Variants in MICALL2 observed in about 807,000 individuals in gnomAD.
MICALL2 encodes MICAL-like protein 2.
Under a neutral mutation model 91.1 loss-of-function variants are expected in MICALL2, and 111 were observed. The ratio of observed to expected loss-of-function variants is 1.22; its 90% CI spans 1.04 to 1.43. The LOEUF (loss-of-function observed/expected upper bound fraction) is 1.43. MICALL2 is among the 40% of genes most tolerant of loss of function. The pLI is 0.00. For missense variants in MICALL2, 1,556 were observed against 1,236.0 expected (o/e 1.26, Z -3.88); for synonymous variants, 694 against 525.3 (o/e 1.32, Z -4.39).
At chr7:1,439,604 T>TCGCA (rs1554266690) in intron 9 of MICALL2, 46 of 291,388 alleles carry the variant, frequency 1.6e-4, no homozygotes, top group Non-Finnish European at 1.1e-4. Context: ...TACACATGCA[T>TCGCA]CACACATCAC....
rs200156703 is a variant in MICALL2, at chr7:1,435,116, T to G, written c.2623A>C (p.Met875Leu). ...GCCCAGTCACCCAGCTTCTCAATCATGTCCCGCAGCATCTGATCCTCCTCT... is the reference window on the plus strand; with the variant it reads ...GCCCAGTCACCCAGCTTCTCAATCAGGTCCCGCAGCATCTGATCCTCCTCT... ...EQEEDQMLRD[M>L]IEKLGLQRKK... The change falls in exon 16 of 17, where the codon ATG becomes CTG. Residue 875 changes from methionine (M) to leucine (L), a missense_variant. Physicochemically the swap from Met to Leu is conservative, Grantham distance 15. Transcript: ENST00000297508. The G allele has an allele frequency of 1.2e-6, 2 of 1,613,314 alleles. No homozygotes were observed. Among genetic ancestry groups the G allele is most frequent in the East Asian group, 2.2e-5 (1 of 44,848 alleles).
intron 1 of MICALL2, among the ~76,000 whole-genome samples, chr7:1,458,938 G>A (rs1212795278): frequency 6.6e-6 from 1 of 152,248 alleles, no homozygotes; most frequent in Non-Finnish European, 1.5e-5. Context: ...GGGCCCAGGA[G>A]CCGCCCTGAG....
chr7:1,457,178 G>A (rs930846666), intron 1 of MICALL2, among the ~76,000 whole-genome samples: 2 of 152,170 alleles, frequency 1.3e-5, no homozygotes, highest in African/African-American at 4.8e-5. Context: ...CACCTACTAA[G>A]CTCCTACCAT....
At chr7:1,444,544 G>A in intron 6 of MICALL2, 108 bp downstream of exon 6, 1 of 1,114,528 alleles carries the variant, frequency 9.0e-7, no homozygotes, top group Non-Finnish European at 1.3e-6. Context: ...AGTCCCCAAG[G>A]CCACACAGCC....
At chr7:1,436,067 A>C (rs1380024953) in intron 15 of MICALL2, among the ~76,000 whole-genome samples, 1 of 150,354 alleles carries the variant, frequency 6.7e-6, no homozygotes, top group Non-Finnish European at 1.5e-5. Flanking sequence ...AAAAAAATAC[A>C]AACAACAAAA....
intron 7 of MICALL2, 176 bp downstream of exon 7, chr7:1,442,014 CAG>C: frequency 2.7e-6 from 2 of 737,352 alleles, no homozygotes; most frequent in Non-Finnish European, 4.5e-6. Flanking sequence ...AGCCACCACA[CAG>C]AGAGCGCACC....
At chr7:1,449,702 G>C (rs1482232474) in intron 2 of MICALL2, among the ~76,000 whole-genome samples, 2 of 152,230 alleles carry the variant, frequency 1.3e-5, no homozygotes, top group Non-Finnish European at 2.9e-5. Flanking sequence ...CATGCCTGCA[G>C]GGCGCGTGGT....
rs928503601 is a variant in MICALL2, at chr7:1,451,495, C to T, written c.144-1207G>A. Among the ~76,000 whole-genome samples, 2 of 152,180 alleles carry T rather than the reference C, an allele frequency of 1.3e-5. No individual in the cohort carries two copies. The highest frequency in any genetic ancestry group is 2.4e-5 in the African/African-American group (1 of 41,440). On this transcript the variant is annotated intron_variant, in intron 1 of 16. Coordinates refer to ENST00000297508, the MANE Select transcript of MICALL2 (RefSeq NM_182924.4). The surrounding 1 kb of genome is among the most constrained non-coding windows in gnomAD (Gnocchi z 4.5). ...CAGCCTGGGTAACACACTGAGACCC[C>T]GTCTCAGAAAAACAAAAATATAGTG... is the stretch of plus-strand genomic sequence containing the variant.
At chr7:1,455,321 G>C (rs1188522701) in intron 1 of MICALL2, among the ~76,000 whole-genome samples, 3 of 152,236 alleles carry the variant, frequency 2.0e-5, no homozygotes, top group Non-Finnish European at 4.4e-5. Context: ...GGTGGTTTCT[G>C]AGCTCACCTG....
rs753803047 is a variant in MICALL2 at position 1,446,710 on chromosome 7, C to T, written c.641+3G>A. Reference sequence around the variant, plus strand: ...CAGGCGTGCGGGCAGAGGGCAGCCCCACCTGAAGCAGCTCCGGTGGTAAAG... The same window carrying T: ...CAGGCGTGCGGGCAGAGGGCAGCCCTACCTGAAGCAGCTCCGGTGGTAAAG... On this transcript the variant is annotated splice_donor_region_variant and intron_variant, in intron 5 of 16. Transcript: ENST00000297508. 1 of 1,587,536 alleles carries T rather than the reference C, an allele frequency of 6.3e-7. No homozygotes were observed. Among genetic ancestry groups the T allele is most frequent in the Non-Finnish European group, 8.6e-7 (1 of 1,167,932 alleles).
In MICALL2 at chr7:1,448,728, G is replaced by T; in HGVS notation, c.226C>A (p.Pro76Thr). The T allele has an allele frequency of 6.2e-7, 1 of 1,612,758 alleles. No individual in the cohort carries two copies. The highest frequency in any genetic ancestry group is 8.5e-7 in the Non-Finnish European group (1 of 1,179,942). Residue 76 changes from proline (P) to threonine (T), a missense_variant, in exon 3 of 17, where the codon CCA becomes ACA. Coordinates refer to ENST00000297508, the MANE Select transcript of MICALL2 (RefSeq NM_182924.4). ...FRVAEEHLGI[P>T]ALLDAEDMVA... ...ATGTCCTCGGCATCCAGCAAGGCTG[G>T]GATGCCCAAGTGCTCCTCGGCCACG...
intron 2 of MICALL2, among the ~76,000 whole-genome samples, chr7:1,449,944 G>C (rs974059867): frequency 1.1e-3 from 7 of 6,520 alleles, no homozygotes; most frequent in Non-Finnish European, 5.3e-4. Flanking sequence ...AGGCAGACTG[G>C]GCTGAGCCCC....
chr7:1,450,237 C>T lies in MICALL2; in HGVS notation c.192+3G>A, dbSNP rs778738737. ...CTGTGAGGCCGGGGCGGGGGCCACT[C>T]ACCAGTTTATTGTTTTCATAAATAT... is the stretch of plus-strand genomic sequence containing the variant. On this transcript the variant is annotated splice_donor_region_variant and intron_variant, in intron 2 of 16. Coordinates refer to ENST00000297508, the MANE Select transcript of MICALL2 (RefSeq NM_182924.4). 5.0e-6 allele frequency: 8 copies of T among 1,612,308 alleles called. No homozygotes were observed. The highest frequency in any genetic ancestry group is 5.1e-6 in the Non-Finnish European group (6 of 1,179,728).
chr7:1,438,743 G>A lies in MICALL2; in HGVS notation c.2122+97C>T, dbSNP rs570154918. On this transcript the variant is annotated intron_variant, in intron 10 of 16. Coordinates refer to ENST00000297508, the MANE Select transcript of MICALL2 (RefSeq NM_182924.4). ...AGGCTTTCCCTCCATTCTAGGTCCT[G>A]TGAATGCATCCTCCAAAGCCCCAGC... is the stretch of plus-strand genomic sequence containing the variant. 8 of 1,509,984 alleles carry A rather than the reference G, an allele frequency of 5.3e-6. No individual in the cohort carries two copies. The African/African-American group carries it at 9.7e-5, about 18-fold the overall frequency. The allele number at this position is 1,509,984 out of a possible 1,614,324, so 93.5% of individuals were successfully genotyped here.
chr7:1,449,197 A>G (rs370755854), intron 2 of MICALL2, among the ~76,000 whole-genome samples: 50 of 152,332 alleles, frequency 3.3e-4, no homozygotes, highest in African/African-American at 1.2e-3. Context: ...CTAGAGGCTG[A>G]GACAGGGACT....
Position 1,445,011 on chromosome 7 carries a change from CG to C in MICALL2, c.1058del (p.Pro353ArgfsTer144), listed in dbSNP as rs1186816876. 1 of 1,519,666 alleles carries C rather than the reference CG, an allele frequency of 6.6e-7. No homozygotes were observed. The highest frequency in any genetic ancestry group is 8.8e-7 in the Non-Finnish European group (1 of 1,131,890). The allele number at this position is 1,519,666 out of a possible 1,614,324, so 94.1% of individuals were successfully genotyped here. On this transcript the variant is annotated frameshift_variant, in exon 6 of 17. Coordinates refer to ENST00000297508, the MANE Select transcript of MICALL2 (RefSeq NM_182924.4). LOFTEE classifies it high-confidence loss of function. ...SSPMGWSSAA[P>X]CTAAAASHPA... is the part of the protein sequence containing the mutation. Reference sequence around the variant, plus strand: ...GATGGGAGGCAGCCGCTGCTGTGCACGGGGCAGCTGACGACCAGCCCATCGG... The same window carrying C: ...GATGGGAGGCAGCCGCTGCTGTGCACGGGCAGCTGACGACCAGCCCATCGG...
chr7:1,457,726 C>A (rs1017739741), intron 1 of MICALL2, among the ~76,000 whole-genome samples: 1 of 152,274 alleles, frequency 6.6e-6, no homozygotes, highest in African/African-American at 2.4e-5. Context: ...TCTCCGGCGA[C>A]ACCAGTGATC....
At chr7:1,449,892 C>A (rs1780758102) in intron 2 of MICALL2, among the ~76,000 whole-genome samples, 1 of 152,246 alleles carries the variant, frequency 6.6e-6, no homozygotes, top group Non-Finnish European at 1.5e-5. Context: ...TGGGACCCAT[C>A]CACAGCCCCC....
rs911080279 is a variant in MICALL2 at position 1,445,414 on chromosome 7, G to A, written c.656C>T (p.Ser219Phe). 1.9e-6 allele frequency: 3 copies of A among 1,548,572 alleles called. No individual in the cohort carries two copies. The highest frequency in any genetic ancestry group is 2.7e-5 in the African/African-American group (2 of 73,560). The stretch of plus-strand genomic sequence containing the variant: ...GTAGGCCCCCGAGTGCAGCGTGCAG[G>A]AGCACTGCTTACACCTGGGGGAGGA... ...HRSCFRCKQC[S>F]CTLHSGAYKA... The change falls in exon 6 of 17, where the codon TCC (serine) becomes TTC (phenylalanine). Residue 219 changes from serine to phenylalanine, a missense_variant. Physicochemically the swap from Ser to Phe is radical, Grantham distance 155. Transcript: ENST00000297508.
Sources: gnomAD v4.1 joint callset for allele counts (sites outside exome capture counted in the v4.1 genomes callset) on GRCh38, gnomAD v4.1.1 for gene constraint, Gnocchi (gnomAD v3.1) non-coding constraint, MANE v1.5 for transcripts, NCBI Gene and HGNC (gene_info 2026-07-23, HGNC 2026-07-21) for gene names.